The following CIMIP6 variants were observed in gnomAD, a reference collection of about 807,000 sequenced individuals.
The protein encoded by CIMIP6 is ciliary microtubule inner protein 6, also known as uncharacterized protein C2orf73.
At chr2:54,381,958 C>T in the CIMIP6 span, 1 of 1,547,338 alleles carries the variant, frequency 6.5e-7, no homozygotes, top group Non-Finnish European at 8.7e-7. Context: ...TTCATGCCAT[C>T]TTATTTTCTC....
chr2:54,337,736 G>A, the CIMIP6 span, among the ~76,000 whole-genome samples: 20 of 152,202 alleles, frequency 1.3e-4, no homozygotes, highest in Non-Finnish European at 8.8e-5. Context: ...TGACAGAATA[G>A]TAGTAGAATC....
the CIMIP6 span, among the ~76,000 whole-genome samples, chr2:54,331,696 A>G: frequency 2.0e-5 from 3 of 152,004 alleles, no homozygotes; most frequent in Non-Finnish European, 4.4e-5. Context: ...ACACAGAATC[A>G]GAAACTCTAT....
the CIMIP6 span, among the ~76,000 whole-genome samples, chr2:54,364,735 G>C: frequency 6.6e-6 from 1 of 152,308 alleles, no homozygotes; most frequent in East Asian, 1.9e-4. Context: ...TTATTGAAGA[G>C]ACTGCAACTT....
At chr2:54,360,371 CAACAA>C in the CIMIP6 span, 68 of 1,609,806 alleles carry the variant, frequency 4.2e-5, no homozygotes, top group Middle Eastern at 1.6e-4. Flanking sequence ...AGGTCTCTGC[CAACAA>C]AATTCTCAGG....
At chr2:54,360,420 C>G in the CIMIP6 span, 1 of 1,601,232 alleles carries the variant, frequency 6.2e-7, no homozygotes. Flanking sequence ...TTATCAGAAA[C>G]AGACGTCAGA....
the CIMIP6 span, chr2:54,382,085 G>A: frequency 7.4e-7 from 1 of 1,352,326 alleles, no homozygotes; most frequent in Non-Finnish European, 9.7e-7. Context: ...AATAAAGTCA[G>A]TCTGATTACA....
the CIMIP6 span, among the ~76,000 whole-genome samples, chr2:54,376,655 G>GT: frequency 1.3e-5 from 2 of 152,190 alleles, no homozygotes; most frequent in Non-Finnish European, 2.9e-5. Context: ...CATTGGTGCA[G>GT]TGGGCTGGCA....
chr2:54,356,888 CG>C, the CIMIP6 span, among the ~76,000 whole-genome samples: 1 of 152,052 alleles, frequency 6.6e-6, no homozygotes, highest in Non-Finnish European at 1.5e-5. Flanking sequence ...AATTTAGAGC[CG>C]CTTCATTCTG....
the CIMIP6 span, among the ~76,000 whole-genome samples, chr2:54,370,442 T>TA: frequency 0.19 from 28,363 of 147,468 alleles, 2,811 homozygotes; most frequent in Non-Finnish European, 0.22. Flanking sequence ...TTTTTAGTAC[T>TA]AAAAAAAAAA....
chr2:54,349,229 T>A, the CIMIP6 span, among the ~76,000 whole-genome samples: 1 of 152,152 alleles, frequency 6.6e-6, no homozygotes, highest in South Asian at 2.1e-4. Context: ...TTTTTCTTTT[T>A]ACTGTATTTT....
the CIMIP6 span, chr2:54,360,319 AAC>A: frequency 6.2e-7 from 1 of 1,611,820 alleles, no homozygotes; most frequent in Non-Finnish European, 8.5e-7. Flanking sequence ...AGTCCAAAAA[AAC>A]AGAGAAAGGA....
chr2:54,359,405 C>G, the CIMIP6 span, among the ~76,000 whole-genome samples: 1 of 151,914 alleles, frequency 6.6e-6, no homozygotes, highest in Non-Finnish European at 1.5e-5. Context: ...TCAATCCAAA[C>G]ATAATAATTT....
At chr2:54,330,976 A>G in the CIMIP6 span, 1 of 1,613,498 alleles carries the variant, frequency 6.2e-7, no homozygotes, top group Non-Finnish European at 8.5e-7. Context: ...GTAGAGGCCC[A>G]TGGAGGAAAA....
the CIMIP6 span, among the ~76,000 whole-genome samples, chr2:54,370,375 T>C: frequency 6.6e-6 from 1 of 152,026 alleles, no homozygotes; most frequent in Non-Finnish European, 1.5e-5. Flanking sequence ...GTGGAAATTA[T>C]AAAATGTTAC....
chr2:54,370,579 A>G, the CIMIP6 span, among the ~76,000 whole-genome samples: 2 of 152,232 alleles, frequency 1.3e-5, no homozygotes, highest in Non-Finnish European at 2.9e-5. Context: ...AACTTCAAAC[A>G]CACAAATCTG....
the CIMIP6 span, among the ~76,000 whole-genome samples, chr2:54,342,498 A>G: frequency 6.6e-6 from 1 of 151,870 alleles, no homozygotes; most frequent in Non-Finnish European, 1.5e-5. Flanking sequence ...ATCTTCTGAC[A>G]AGCTGACTCC....
chr2:54,353,277 C>T, the CIMIP6 span, among the ~76,000 whole-genome samples: 1 of 152,116 alleles, frequency 6.6e-6, no homozygotes, highest in Non-Finnish European at 1.5e-5. Context: ...ACAACCGTCC[C>T]TGATTGTTTC....
the CIMIP6 span, among the ~76,000 whole-genome samples, chr2:54,362,907 T>C: frequency 6.6e-6 from 1 of 152,214 alleles, no homozygotes; most frequent in Non-Finnish European, 1.5e-5. Flanking sequence ...TGACACTTTC[T>C]ACTAATTTGC....
the CIMIP6 span, among the ~76,000 whole-genome samples, chr2:54,334,365 C>G: frequency 1.3e-5 from 2 of 150,454 alleles, no homozygotes; most frequent in Non-Finnish European, 3.0e-5. Context: ...GTTTGCCAGA[C>G]AAACTTTTAA....
Sources: allele counts gnomAD v4.1 joint callset (sites outside exome capture counted in the v4.1 genomes callset), GRCh38; gene constraint gnomAD v4.1.1; transcripts MANE v1.5; gene names NCBI Gene and HGNC (gene_info 2026-07-23, HGNC 2026-07-21).